Variants in DDX31 observed in about 807,000 individuals in gnomAD.
DDX31 encodes DEAD-box helicase 31, also known as ATP-dependent DNA helicase DDX31.
In DDX31, 70 loss-of-function variants were observed where a neutral mutation model predicts 91.3. That is an observed-to-expected ratio of 0.77 (90% CI 0.63 to 0.94). The LOEUF is 0.94. Among genes scored for constraint, DDX31 ranks in the 40% least tolerant of loss-of-function variants. The pLI is 0.00. For synonymous variants in DDX31, 362 were observed against 350.6 expected (o/e 1.03, Z -0.36); for missense variants, 902 against 925.0 (o/e 0.98, Z 0.32).
At chr9:132,621,539 C>T (rs930853989) in intron 17 of DDX31, among the ~76,000 whole-genome samples, 3 of 152,288 alleles carry the variant, frequency 2.0e-5, no homozygotes, top group East Asian at 1.9e-4. Flanking sequence ...GCCAAAGGGA[C>T]ATTTACCATG....
chr9:132,652,890 C>T (rs1388222501), intron 6 of DDX31, among the ~76,000 whole-genome samples: 1 of 152,082 alleles, frequency 6.6e-6, no homozygotes, highest in Non-Finnish European at 1.5e-5. Flanking sequence ...ATTATGAGAC[C>T]TCCCCCAGCC....
intron 1 of DDX31, among the ~76,000 whole-genome samples, chr9:132,666,995 G>C (rs1227831302): frequency 6.6e-6 from 1 of 151,966 alleles, no homozygotes; most frequent in Non-Finnish European, 1.5e-5. Flanking sequence ...TTACAGGCGT[G>C]AGCCACTGCG....
chr9:132,610,970 G>A (rs74935635), intron 19 of DDX31, among the ~76,000 whole-genome samples: 2 of 152,188 alleles, frequency 1.3e-5, no homozygotes, highest in Non-Finnish European at 2.9e-5. Context: ...TGACAGGCTA[G>A]AGAAACGGGG....
intron 5 of DDX31, among the ~76,000 whole-genome samples, chr9:132,658,990 T>C (rs1159182820): frequency 6.6e-6 from 1 of 152,238 alleles, no homozygotes. Flanking sequence ...TAACAAGAGA[T>C]AACGATATGT....
chr9:132,607,425 C>G (rs1010320889), intron 19 of DDX31, among the ~76,000 whole-genome samples: 10 of 152,174 alleles, frequency 6.6e-5, no homozygotes, highest in Admixed American at 5.2e-4. Flanking sequence ...AAGCTAGGAG[C>G]AACAGGGGGA....
chr9:132,631,607 C>T (rs960748806), intron 15 of DDX31, among the ~76,000 whole-genome samples: 4 of 152,164 alleles, frequency 2.6e-5, no homozygotes, highest in African/African-American at 9.7e-5. Flanking sequence ...TCTGGCAAAG[C>T]GTCTAAGGCT....
At chr9:132,612,415 G>C in intron 18 of DDX31, 160 bp from the exon 19 acceptor site, 2 of 733,678 alleles carry the variant, frequency 2.7e-6, no homozygotes, top group African/African-American at 1.8e-5. Context: ...CTAGACTTCT[G>C]TGTATTTCTT....
chr9:132,640,799 C>T (rs923333190), intron 14 of DDX31, among the ~76,000 whole-genome samples: 9 of 152,194 alleles, frequency 5.9e-5, no homozygotes, highest in Admixed American at 5.2e-4. Context: ...TGAACCATCA[C>T]ACCTGGCCCA....
At chr9:132,604,870 C>T (rs1830924766) in intron 19 of DDX31, among the ~76,000 whole-genome samples, 1 of 152,220 alleles carries the variant, frequency 6.6e-6, no homozygotes, top group African/African-American at 2.4e-5. Flanking sequence ...GTGGAGGCCC[C>T]ACTCCTGAGC....
chr9:132,618,411 G>A lies in DDX31; in HGVS notation c.1744C>T (p.Arg582Ter), dbSNP rs760169249. Residue 582 changes from arginine (R) to a stop codon, truncating the protein, a stop_gained, in exon 18 of 20, where the codon CGA becomes TGA. Transcript: ENST00000372159. LOFTEE classifies it high-confidence loss of function. ...KSHAVGPQEI[R>*]ERATVLQTVF... ...GTCTGCAAGACTGTGGCTCGCTCTC[G>A]GATTTCCTGGGGGCCAACAGCATGG... The A allele has an allele frequency of 5.0e-6, 8 of 1,611,578 alleles. No homozygotes were observed. In the African/African-American group the frequency reaches 6.7e-5, roughly 13 times the overall value.
rs1419420944 is a variant in DDX31, at chr9:132,662,413, T to G, written c.332+26A>C. On this transcript the variant is annotated intron_variant, in intron 2 of 19. Coordinates refer to ENST00000372159, the MANE Select transcript of DDX31 (RefSeq NM_022779.9). ...AAGGCAGAACACATTTTTTTCTTCC[T>G]GAAGGGCATCCGCCCCTGGACATAC... The G allele has an allele frequency of 1.1e-5, 18 of 1,613,566 alleles. No individual in the cohort carries two copies. The South Asian group carries it at 1.8e-4, about 16-fold the overall frequency.
At chr9:132,633,588 G>C (rs1049347923) in intron 14 of DDX31, among the ~76,000 whole-genome samples, 1 of 151,930 alleles carries the variant, frequency 6.6e-6, no homozygotes, top group African/African-American at 2.4e-5. Flanking sequence ...TTTTGAGTGT[G>C]TCTAGTATGC....
intron 16 of DDX31, among the ~76,000 whole-genome samples, chr9:132,627,256 C>T (rs930668197): frequency 6.6e-6 from 1 of 152,164 alleles, no homozygotes; most frequent in African/African-American, 2.4e-5. Flanking sequence ...TTCTCAAATG[C>T]GTGTGCTGAT....
At chr9:132,623,181 C>T (rs1050656061) in intron 17 of DDX31, among the ~76,000 whole-genome samples, 1 of 151,504 alleles carries the variant, frequency 6.6e-6, no homozygotes, top group African/African-American at 2.4e-5. Flanking sequence ...GACTCCAGGA[C>T]TATTTCCCAC....
intron 19 of DDX31, among the ~76,000 whole-genome samples, chr9:132,603,655 C>A (rs915401265): frequency 1.4e-4 from 22 of 152,246 alleles, no homozygotes; most frequent in Non-Finnish European, 1.8e-4. Flanking sequence ...ACGGCCGCAT[C>A]TGGACCTAGC....
intron 16 of DDX31, among the ~76,000 whole-genome samples, chr9:132,629,718 C>T (rs897544919): frequency 6.6e-6 from 1 of 152,198 alleles, no homozygotes; most frequent in Non-Finnish European, 1.5e-5. Context: ...CACACCAAGT[C>T]TAGAATCCAG....
At chr9:132,603,584 T>G (rs1284844150) in intron 19 of DDX31, among the ~76,000 whole-genome samples, 1 of 152,168 alleles carries the variant, frequency 6.6e-6, no homozygotes, top group Non-Finnish European at 1.5e-5. Context: ...TCAAATGATA[T>G]GAACTAGAAG....
chr9:132,655,703 C>T (rs17149408), intron 6 of DDX31, among the ~76,000 whole-genome samples: 1,931 of 152,100 alleles, frequency 0.013, 38 homozygotes, highest in African/African-American at 0.044. Flanking sequence ...CAAAGTAATC[C>T]GAAAAAGGCC....
At chr9:132,657,896 T>C (rs1293576328) in intron 6 of DDX31, among the ~76,000 whole-genome samples, 4 of 152,220 alleles carry the variant, frequency 2.6e-5, no homozygotes, top group Non-Finnish European at 5.9e-5. Context: ...AAAAATGAGG[T>C]AGCCCAATTT....
Sources: allele counts gnomAD v4.1 joint callset (sites outside exome capture counted in the v4.1 genomes callset), GRCh38; gene constraint gnomAD v4.1.1; transcripts MANE v1.5; gene names NCBI Gene and HGNC (gene_info 2026-07-23, HGNC 2026-07-21).